The following LACRT variants were observed in gnomAD, a reference collection of about 807,000 sequenced individuals.
LACRT encodes the protein extracellular glycoprotein lacritin.
LACRT carries 14 observed loss-of-function variants against 14.5 expected under a neutral mutation model. That is an observed-to-expected ratio of 0.96 (90% CI 0.64 to 1.51). The LOEUF (loss-of-function observed/expected upper bound fraction) is 1.51. Among genes scored for constraint, LACRT ranks in the 40% most tolerant of loss-of-function variants. The pLI is 0.00. For synonymous variants in LACRT, 70 were observed against 63.5 expected, an observed-to-expected ratio of 1.10 and a Z score of -0.48; for missense variants, 156 against 161.8, an observed-to-expected ratio of 0.96 and a Z score of 0.19.
intron 2 of LACRT, 82 bp downstream of exon 2, chr12:54,633,098 T>A (rs1329725323): frequency 7.4e-7 from 1 of 1,354,112 alleles, no homozygotes; most frequent in Non-Finnish European, 1.1e-6. Flanking sequence ...TCCCACTGGC[T>A]TCTTCTCCCA....
intron 2 of LACRT, 22 bp from the exon 3 acceptor site, chr12:54,632,403 G>T (rs1405050586): frequency 1.2e-6 from 2 of 1,611,752 alleles, no homozygotes. Context: ...CAAATTGATG[G>T]ATTTTAGCAA....
intron 4 of LACRT, 35 bp downstream of exon 4, chr12:54,631,702 TC>T: frequency 6.8e-7 from 1 of 1,481,346 alleles, no homozygotes. Flanking sequence ...GTGAGTATTC[TC>T]ATTCCCACAA....
chr12:54,631,668 T>C, intron 4 of LACRT, 70 bp downstream of exon 4: 1 of 1,165,990 alleles, frequency 8.6e-7, no homozygotes, highest in Non-Finnish European at 1.3e-6. Flanking sequence ...TTCTGTCCCA[T>C]ATCCCACCCC....
Position 54,630,869 on chromosome 12 carries a change from A to G in LACRT, c.*23T>C, listed in dbSNP as rs1958147701. 3 of 1,565,500 alleles carry G rather than the reference A, an allele frequency of 1.9e-6. No individual in the cohort carries two copies. Among genetic ancestry groups the G allele is most frequent in the African/African-American group, 1.4e-5 (1 of 73,926 alleles). On this transcript the variant is annotated 3_prime_UTR_variant, in exon 5 of 5. Coordinates refer to ENST00000257867, the MANE Select transcript of LACRT (RefSeq NM_033277.2). ...AAGGGTATTTAAGGCTTTAAGTCCA[A>G]TGATCCCATTCTTTTCAGCTTCTCA... is the stretch of plus-strand genomic sequence containing the variant.
intron 1 of LACRT, 61 bp from the exon 2 acceptor site, chr12:54,633,294 C>G (rs1958165754): frequency 7.1e-7 from 1 of 1,411,312 alleles, no homozygotes; most frequent in African/African-American, 1.4e-5. Flanking sequence ...CTCGAGCCAC[C>G]CTCCCCTCCC....
At chr12:54,631,915 C>CGGGGGGGGG in intron 3 of LACRT, 76 bp from the exon 4 acceptor site, 1 of 782,124 alleles carries the variant, frequency 1.3e-6, no homozygotes. Flanking sequence ...GCCCCACCTG[C>CGGGGGGGGG]ACCCGCCCCC....
Position 54,633,072 on chromosome 12 carries a change from C to G in LACRT, c.112+108G>C, listed in dbSNP as rs188625642. On this transcript the variant is annotated intron_variant, in intron 2 of 4. Transcript: ENST00000257867. ...TGCCCCTCCCCATTACCACCAAGCACAGAATCCAGATCTCCTCCCACTGGC... is the reference window on the plus strand; with the variant it reads ...TGCCCCTCCCCATTACCACCAAGCAGAGAATCCAGATCTCCTCCCACTGGC... 10 of 1,074,762 alleles carry G rather than the reference C, an allele frequency of 9.3e-6. 1 individual carries two copies. In the Admixed American group the frequency reaches 1.7e-4, roughly 18 times the overall value. 66.6% of individuals were successfully genotyped at this position (1,074,762 alleles called of 1,614,324 possible). A position where few individuals can be genotyped will look rare whatever the true frequency, so the allele number is the denominator to read the frequency against.
At position 54,632,365 on chromosome 12, in the gene LACRT, C is replaced by T. The variant is rs1175154965; in HGVS notation, c.129G>A (p.Glu43=). Residue 43 remains glutamate, a synonymous_variant, in exon 3 of 5, where the codon GAG becomes GAA. Coordinates refer to ENST00000257867, the MANE Select transcript of LACRT (RefSeq NM_033277.2). ...AAGCTGGTTCTGCTGGACCTGAGAT[C>T]TCTTCATTAGGCTTAGCTGTGAATG... ...QEAGTSKPNE[E]ISGPAEPASP... The T allele has an allele frequency of 6.2e-7, 1 of 1,614,102 alleles. No homozygotes were observed. The highest frequency in any genetic ancestry group is 8.5e-7 in the Non-Finnish European group (1 of 1,180,002).
chr12:54,631,397 G>A (rs899631871), intron 4 of LACRT, among the ~76,000 whole-genome samples: 1 of 152,216 alleles, frequency 6.6e-6, no homozygotes, highest in Non-Finnish European at 1.5e-5. Flanking sequence ...GTGCCACCAC[G>A]CCTGGCTAAT....
intron 2 of LACRT, 134 bp downstream of exon 2, chr12:54,633,046 C>G: frequency 1.2e-6 from 1 of 862,020 alleles, no homozygotes; most frequent in South Asian, 1.3e-5. Context: ...ATTATATTAC[C>G]TGCCCCTCCC....
At chr12:54,633,424 T>C (rs1278100432) in intron 1 of LACRT, among the ~76,000 whole-genome samples, 191 bp from the exon 2 acceptor site, 1 of 152,150 alleles carries the variant, frequency 6.6e-6, no homozygotes, top group Non-Finnish European at 1.5e-5. Flanking sequence ...GATGTTTAAC[T>C]CCTGTGGCTT....
At chr12:54,631,932 C>A in intron 3 of LACRT, 93 bp from the exon 4 acceptor site, 1 of 753,928 alleles carries the variant, frequency 1.3e-6, no homozygotes, top group East Asian at 2.8e-5. Flanking sequence ...CCCCCACCCC[C>A]ACTCCACCCA....
At chr12:54,633,575 TGGA>T (rs1407028992) in intron 1 of LACRT, among the ~76,000 whole-genome samples, 1 of 151,892 alleles carries the variant, frequency 6.6e-6, no homozygotes, top group Non-Finnish European at 1.5e-5. Flanking sequence ...TCCTCTGTGG[TGGA>T]GGAGGACAGT....
chr12:54,631,671 C>T, intron 4 of LACRT, 67 bp downstream of exon 4: 2 of 1,191,058 alleles, frequency 1.7e-6, no homozygotes. Context: ...TGTCCCATAT[C>T]CCACCCCCGG....
intron 1 of LACRT, among the ~76,000 whole-genome samples, chr12:54,634,137 G>C (rs1223948235): frequency 6.6e-6 from 1 of 152,072 alleles, no homozygotes; most frequent in Non-Finnish European, 1.5e-5. Context: ...CGGATCACCT[G>C]AGGTCAGGAG....
intron 2 of LACRT, 55 bp downstream of exon 2, chr12:54,633,125 C>T: frequency 6.4e-7 from 1 of 1,558,862 alleles, no homozygotes; most frequent in Non-Finnish European, 8.9e-7. Context: ...ACTCACATCC[C>T]TAACTGTTAA....
chr12:54,632,504 T>A, intron 2 of LACRT, 123 bp from the exon 3 acceptor site: 1 of 1,114,592 alleles, frequency 9.0e-7, no homozygotes, highest in Non-Finnish European at 1.3e-6. Context: ...TGATATGGCT[T>A]AAACGCTGCC....
chr12:54,632,346 G>T lies in LACRT; in HGVS notation c.148C>A (p.Pro50Thr). Residue 50 changes from proline to threonine, a missense_variant, in exon 3 of 5, where the codon CCA (proline) becomes ACA (threonine). By Grantham distance (38) the Pro-to-Thr change is conservative (BLOSUM62 -1). Coordinates refer to ENST00000257867, the MANE Select transcript of LACRT (RefSeq NM_033277.2). ...PNEEISGPAE[P>T]ASPPETTTTA... ...GTGGTTGTCTCTGGGGGTGAAGCTG[G>T]TTCTGCTGGACCTGAGATCTCTTCA... 6.2e-7 allele frequency: 1 copy of T among 1,614,106 alleles called. No individual in the cohort carries two copies. Among genetic ancestry groups the T allele is most frequent in the South Asian group, 1.1e-5 (1 of 91,070 alleles).
Position 54,631,850 on chromosome 12 carries a change from A to G in LACRT, c.254-11T>C, listed in dbSNP as rs1331899740. 4.4e-6 allele frequency: 7 copies of G among 1,592,940 alleles called. No individual in the cohort carries two copies. The highest frequency in any genetic ancestry group is 5.2e-6 in the Non-Finnish European group (6 of 1,160,980). ...TCTCCACTATGGATTCTAATTTTGG[A>G]GCAGAACAATCACATCAGCAGAAAA... On this transcript the variant is annotated splice_polypyrimidine_tract_variant and intron_variant, in intron 3 of 4. Coordinates refer to ENST00000257867, the MANE Select transcript of LACRT (RefSeq NM_033277.2).
Sources: allele counts gnomAD v4.1 joint callset (sites outside exome capture counted in the v4.1 genomes callset), GRCh38; gene constraint gnomAD v4.1.1; transcripts MANE v1.5; gene names NCBI Gene and HGNC (gene_info 2026-07-23, HGNC 2026-07-21).